CSMD3: variants seen among roughly 807,000 people sequenced by gnomAD.
CSMD3 encodes the protein CUB and sushi domain-containing protein 3.
Under a neutral mutation model 435.2 loss-of-function variants are expected in CSMD3, and 177 were observed. That is an observed-to-expected ratio of 0.41 (90% confidence interval 0.36 to 0.46). CSMD3 has a LOEUF of 0.46. Ranked by LOEUF, CSMD3 falls within the 20% of genes least tolerant of loss-of-function variation. The probability of loss-of-function intolerance (pLI) is 0.34; values close to 1 mark genes in which losing one functional copy is unlikely to be tolerated. For missense variants in CSMD3, 4,265 were observed against 4,504.6 expected, an observed-to-expected ratio of 0.95 and a Z score of 1.52; for synonymous variants, 1,656 against 1,520.5, an observed-to-expected ratio of 1.09 and a Z score of -2.07.
chr8:113,372,827 G>C lies in CSMD3; in HGVS notation c.179-58034C>G, dbSNP rs1588619607. ...CGGGCGCCTGTAGTCCCAGCTACTC[G>C]GGAGGCTGAGGCAGGAGAACGGCGT... On this transcript the variant is annotated intron_variant, in intron 1 of 70. Coordinates refer to ENST00000297405, the MANE Select transcript of CSMD3 (RefSeq NM_198123.2). Among the ~76,000 whole-genome samples the C allele has an allele frequency of 7.9e-5, 12 of 151,764 alleles. No individual in the cohort carries two copies. The South Asian group carries it at 2.3e-3, about 29-fold the overall frequency.
chr8:112,334,798 A>G (rs1824407803), intron 45 of CSMD3, among the ~76,000 whole-genome samples: 1 of 152,170 alleles, frequency 6.6e-6, no homozygotes, highest in South Asian at 2.1e-4. Context: ...ACTATACATA[A>G]ATTATTCCAC....
intron 2 of CSMD3, among the ~76,000 whole-genome samples, chr8:113,288,979 A>C (rs765385787): frequency 6.6e-5 from 10 of 151,750 alleles, no homozygotes; most frequent in Non-Finnish European, 1.0e-4. Flanking sequence ...AACCCACCCA[A>C]GGTTCATCTA....
At chr8:113,399,803 A>G (rs1298032930) in intron 1 of CSMD3, among the ~76,000 whole-genome samples, 1 of 151,972 alleles carries the variant, frequency 6.6e-6, no homozygotes, top group Non-Finnish European at 1.5e-5. Flanking sequence ...AAAGGTTTGC[A>G]TTGAATGGTA....
Position 112,677,643 on chromosome 8 carries a change from T to G in CSMD3, c.2677+4799A>C, listed in dbSNP as rs1242567820. Among the ~76,000 whole-genome samples, 3 of 151,796 alleles carry G rather than the reference T, an allele frequency of 2.0e-5. No homozygotes were observed. In the East Asian group the frequency reaches 5.8e-4, roughly 29 times the overall value. On this transcript the variant is annotated intron_variant, in intron 16 of 70. Coordinates refer to ENST00000297405, the MANE Select transcript of CSMD3 (RefSeq NM_198123.2). ...AGGATATTGCAGAGAGTACTTTGAA[T>G]TTGAAATGATCATTTGGGGGAGAAT...
chr8:113,039,893 A>C (rs760569250), intron 5 of CSMD3, among the ~76,000 whole-genome samples: 1 of 152,230 alleles, frequency 6.6e-6, no homozygotes, highest in Non-Finnish European at 1.5e-5. Flanking sequence ...TCTCTTACAA[A>C]AGTTAATTGA....
chr8:112,406,076 T>A (rs561024151), intron 35 of CSMD3, among the ~76,000 whole-genome samples: 1 of 152,154 alleles, frequency 6.6e-6, no homozygotes, highest in African/African-American at 2.4e-5. Flanking sequence ...AGGAGATGGA[T>A]ATCCCATTCT....
chr8:112,859,100 T>A (rs2080750512), intron 11 of CSMD3, 45 bp downstream of exon 11: 3 of 1,575,018 alleles, frequency 1.9e-6, no homozygotes, highest in Admixed American at 3.4e-5. Flanking sequence ...CCTTTGTCTT[T>A]ATGATTATGA....
rs555993787 is a variant in CSMD3 at position 112,273,383 on chromosome 8, C to T, written c.9508+7791G>A. On this transcript the variant is annotated intron_variant, in intron 59 of 70. Coordinates refer to ENST00000297405, the MANE Select transcript of CSMD3 (RefSeq NM_198123.2). ...CTATTATTGAAAACTTACTATATGC[C>T]AGAACCTATGTGCTATGTTAGCCAT... Among the ~76,000 whole-genome samples, 273 of 152,046 alleles carry T rather than the reference C, an allele frequency of 1.8e-3. 1 individual carries two copies. The highest frequency in any genetic ancestry group is 6.2e-3 in the African/African-American group (256 of 41,482).
chr8:113,252,287 T>C (rs575839678), intron 3 of CSMD3, among the ~76,000 whole-genome samples: 1 of 152,168 alleles, frequency 6.6e-6, no homozygotes, highest in African/African-American at 2.4e-5. Context: ...TTCACAGCTA[T>C]TGTCATTCCT....
chr8:113,276,843 G>T (rs2093574868), intron 3 of CSMD3, among the ~76,000 whole-genome samples: 1 of 151,938 alleles, frequency 6.6e-6, no homozygotes, highest in Non-Finnish European at 1.5e-5. Flanking sequence ...TATATTTTAA[G>T]TCAGCACATG....
rs566124354 is a variant in CSMD3 at position 112,594,145 on chromosome 8, A to C, written c.3716-6910T>G. 2.1e-4 allele frequency among the ~76,000 whole-genome samples: 32 copies of C among 152,236 alleles called. 1 individual carries two copies. Among genetic ancestry groups the C allele is most frequent in the African/African-American group, 6.7e-4 (28 of 41,576 alleles). On this transcript the variant is annotated intron_variant, in intron 22 of 70. Transcript: ENST00000297405. ...CTAGGGAGTGCCAGACAGTGGGCACAGGTCAGTGGGTGCACGCACCGTGTG... is the reference window on the plus strand; with the variant it reads ...CTAGGGAGTGCCAGACAGTGGGCACCGGTCAGTGGGTGCACGCACCGTGTG...
chr8:112,623,146 A>G (rs1431731572), intron 22 of CSMD3, among the ~76,000 whole-genome samples: 1 of 152,168 alleles, frequency 6.6e-6, no homozygotes, highest in East Asian at 1.9e-4. Context: ...CTGATTAAAA[A>G]GCAAAAAAGA....
intron 13 of CSMD3, among the ~76,000 whole-genome samples, chr8:112,758,694 T>C (rs1179755984): frequency 1.3e-5 from 2 of 152,192 alleles, no homozygotes; most frequent in East Asian, 1.9e-4. Flanking sequence ...TTTAAGCTAT[T>C]CAAGCCTCAT....
At chr8:112,675,100 G>T (rs2075743258) in intron 16 of CSMD3, among the ~76,000 whole-genome samples, 2 of 152,032 alleles carry the variant, frequency 1.3e-5, no homozygotes, top group African/African-American at 4.8e-5. Flanking sequence ...GAGGAATATA[G>T]ATAATTTTTT....
chr8:112,277,728 G>T, intron 59 of CSMD3, among the ~76,000 whole-genome samples: 1 of 152,094 alleles, frequency 6.6e-6, no homozygotes, highest in Non-Finnish European at 1.5e-5. Flanking sequence ...CAAGTGGCTG[G>T]GGAGGCCTCA....
intron 69 of CSMD3, among the ~76,000 whole-genome samples, chr8:112,229,135 A>T (rs1484024520): frequency 2.0e-5 from 3 of 152,204 alleles, no homozygotes; most frequent in Non-Finnish European, 2.9e-5. Context: ...TAAGGAGTTT[A>T]TACAATAGTG....
chr8:112,581,665 T>C (rs1024502508), intron 23 of CSMD3, among the ~76,000 whole-genome samples: 13 of 152,086 alleles, frequency 8.5e-5, no homozygotes, highest in Non-Finnish European at 1.6e-4. Flanking sequence ...CGACAAGCAT[T>C]GTTCCTAGAT....
intron 13 of CSMD3, 96 bp from the exon 14 acceptor site, chr8:112,690,146 A>G (rs971256932): frequency 5.6e-6 from 5 of 896,490 alleles, no homozygotes; most frequent in Non-Finnish European, 7.3e-6. Flanking sequence ...TGTTGTGGAG[A>G]TATTTCAGAA....
chr8:112,898,805 T>C (rs1353000538), intron 10 of CSMD3, among the ~76,000 whole-genome samples: 3 of 151,250 alleles, frequency 2.0e-5, no homozygotes, highest in African/African-American at 7.3e-5. Context: ...AGATGATCAT[T>C]ATAAGAAGAT....
Sources: allele counts gnomAD v4.1 joint callset (sites outside exome capture counted in the v4.1 genomes callset), GRCh38; gene constraint gnomAD v4.1.1; transcripts MANE v1.5; gene names NCBI Gene and HGNC (gene_info 2026-07-23, HGNC 2026-07-21).